AGTPBP1: variants seen among roughly 807,000 people sequenced by gnomAD.
AGTPBP1 encodes the protein ATP/GTP binding carboxypeptidase 1.
A neutral mutation model predicts 143.9 loss-of-function variants in AGTPBP1; 70 were observed. The ratio of observed to expected loss-of-function variants is 0.49; its 90% CI spans 0.40 to 0.59. The LOEUF (loss-of-function observed/expected upper bound fraction) is 0.59. Ranked by LOEUF, AGTPBP1 falls within the 20% of genes least tolerant of loss-of-function variation. AGTPBP1 has a pLI of 0.00. For synonymous variants in AGTPBP1, 463 were observed against 500.2 expected (o/e 0.93, Z 0.99); for missense variants, 1,229 against 1,464.5 (o/e 0.84, Z 2.62).
the AGTPBP1 span, among the ~76,000 whole-genome samples, chr9:85,756,581 A>C: frequency 1.2e-4 from 19 of 152,282 alleles, no homozygotes; most frequent in Non-Finnish European, 2.2e-4. Flanking sequence ...AGACAGATAG[A>C]TAGATCTATC....
intron 17 of AGTPBP1, among the ~76,000 whole-genome samples, chr9:85,599,786 G>A (rs1829546597): frequency 1.3e-5 from 2 of 152,210 alleles, no homozygotes; most frequent in South Asian, 4.1e-4. Flanking sequence ...ACAATTTACA[G>A]ATTCTTCAAA....
At position 85,632,933 on chromosome 9, in the gene AGTPBP1, A is replaced by T; in HGVS notation, c.1744T>A (p.Phe582Ile). The T allele has an allele frequency of 6.2e-7, 1 of 1,614,074 alleles. No homozygotes were observed. Among genetic ancestry groups the T allele is most frequent in the Non-Finnish European group, 8.5e-7 (1 of 1,180,004 alleles). The change falls in exon 14 of 26, where the codon TTT (phenylalanine) becomes ATT (isoleucine). Residue 582 changes from phenylalanine to isoleucine, a missense_variant. By Grantham distance (21) the Phe-to-Ile change is conservative. Around this residue, in one of 2 missense-constraint regions of AGTPBP1, gnomAD observed 743 missense variants for 812.2 expected, o/e 0.91. Coordinates refer to ENST00000357081, the MANE Select transcript of AGTPBP1 (RefSeq NM_001330701.2). ...PHMATCGNVLFEGRTVQLGKL... is the reference protein window; with the variant it reads ...PHMATCGNVLIEGRTVQLGKL... ...CCTAGCTGAACTGTTCTTCCCTCAA[A>T]CAGAACATTTCCACAAGTAGCCATG... is the stretch of plus-strand genomic sequence containing the variant.
chr9:85,697,448 T>A (rs1161086099), intron 2 of AGTPBP1, among the ~76,000 whole-genome samples: 1 of 122,340 alleles, frequency 8.2e-6, no homozygotes, highest in East Asian at 2.3e-4. Flanking sequence ...GTTTTTTGTT[T>A]TTTTTTTTTT....
chr9:85,550,194 T>A (rs2113736), intron 25 of AGTPBP1, among the ~76,000 whole-genome samples: 61,379 of 128,808 alleles, frequency 0.48, 12,964 homozygotes, highest in African/African-American at 0.56. Flanking sequence ...TGTGTGTGTG[T>A]GAGAGAGAGA....
chr9:85,739,682 T>A (rs1588014378), intron 1 of AGTPBP1, among the ~76,000 whole-genome samples: 1 of 135,890 alleles, frequency 7.4e-6, no homozygotes, highest in Non-Finnish European at 1.5e-5. Flanking sequence ...CACTCCAGCC[T>A]GGGCGACAAG....
the AGTPBP1 span, among the ~76,000 whole-genome samples, chr9:85,792,737 G>T: frequency 6.6e-6 from 1 of 152,046 alleles, no homozygotes; most frequent in Non-Finnish European, 1.5e-5. Context: ...AAATATTTTT[G>T]TTACATAGTC....
chr9:85,657,891 T>A (rs1186930075), intron 9 of AGTPBP1, among the ~76,000 whole-genome samples: 1 of 152,168 alleles, frequency 6.6e-6, no homozygotes, highest in African/African-American at 2.4e-5. Context: ...AAAATCTCTT[T>A]ACTAAAATTA....
chr9:85,638,268 CTA>C (rs1010627261), intron 13 of AGTPBP1, among the ~76,000 whole-genome samples: 1 of 151,896 alleles, frequency 6.6e-6, no homozygotes, highest in African/African-American at 2.4e-5. Flanking sequence ...TCTAGAGTAA[CTA>C]GAATTTTTGC....
chr9:85,666,109 G>A (rs1010885509), intron 8 of AGTPBP1, among the ~76,000 whole-genome samples: 1 of 151,986 alleles, frequency 6.6e-6, no homozygotes, highest in South Asian at 2.1e-4. Context: ...TCAAAAAGTA[G>A]TCTGTGGCTT....
chr9:85,696,086 C>T (rs1014255105), intron 2 of AGTPBP1, among the ~76,000 whole-genome samples: 4 of 152,118 alleles, frequency 2.6e-5, no homozygotes, highest in Admixed American at 1.3e-4. Context: ...AAGTGATCTG[C>T]CTGCCTTGGC....
rs569075776 is a variant in AGTPBP1, at chr9:85,669,497, G to A, written c.650C>T (p.Ser217Phe). Residue 217 changes from serine to phenylalanine, a missense_variant, in exon 8 of 26, where the codon TCC becomes TTC. Ser to Phe is a radical substitution (Grantham distance 155). This residue lies in a region of AGTPBP1 where 743 missense variants were observed against 812.2 expected (regional missense o/e 0.91). Transcript: ENST00000357081. ...KIIGPFSKKN[S>F]SLIKVALDTL... ...AACATTTACTCACTTTATAAGACTGGAATTCTTCTTACTAAATGGTCCAAT... is the reference window on the plus strand; with the variant it reads ...AACATTTACTCACTTTATAAGACTGAAATTCTTCTTACTAAATGGTCCAAT... The A allele has an allele frequency of 6.2e-7, 1 of 1,605,742 alleles. No individual in the cohort carries two copies. The highest frequency in any genetic ancestry group is 1.3e-5 in the African/African-American group (1 of 74,626).
At chr9:85,701,646 C>G (rs1230340017) in intron 2 of AGTPBP1, among the ~76,000 whole-genome samples, 1 of 152,144 alleles carries the variant, frequency 6.6e-6, no homozygotes, top group Non-Finnish European at 1.5e-5. Flanking sequence ...ATGTAAAACA[C>G]CGTAACAGAG....
chr9:85,760,112 T>C, the AGTPBP1 span, among the ~76,000 whole-genome samples: 2 of 152,142 alleles, frequency 1.3e-5, no homozygotes, highest in African/African-American at 2.4e-5. Flanking sequence ...GGCTCTGAAA[T>C]TGAGGCAATA....
intron 1 of AGTPBP1, among the ~76,000 whole-genome samples, chr9:85,715,458 T>G (rs1242556087): frequency 6.6e-6 from 1 of 152,062 alleles, no homozygotes; most frequent in Non-Finnish European, 1.5e-5. Flanking sequence ...CAGGGCTAAC[T>G]AAAACTTTGG....
intron 1 of AGTPBP1, among the ~76,000 whole-genome samples, chr9:85,739,725 A>T (rs1217018652): frequency 2.6e-5 from 4 of 151,232 alleles, no homozygotes; most frequent in African/African-American, 9.7e-5. Flanking sequence ...AAAAAAAAAA[A>T]AATTCAGGCC....
chr9:85,712,586 G>T lies in AGTPBP1; in HGVS notation c.-33-20C>A. 7.9e-7 allele frequency: 1 copy of T among 1,271,394 alleles called. No homozygotes were observed. The highest frequency in any genetic ancestry group is 2.6e-5 in the Admixed American group (1 of 38,200). 78.8% of individuals were successfully genotyped at this position (1,271,394 alleles called of 1,614,324 possible). ...GATAATCTAAAAGAAAAATGTTAAT[G>T]ATATTAAAAACTTATAACTCTTTTT... On this transcript the variant is annotated intron_variant, in intron 1 of 25. Coordinates refer to ENST00000357081, the MANE Select transcript of AGTPBP1 (RefSeq NM_001330701.2).
At chr9:85,679,686 G>A (rs911338975) in intron 4 of AGTPBP1, among the ~76,000 whole-genome samples, 1 of 152,156 alleles carries the variant, frequency 6.6e-6, no homozygotes, top group Non-Finnish European at 1.5e-5. Flanking sequence ...GGGATTACAG[G>A]CGTGAGCCAC....
At chr9:85,557,932 T>C (rs1195641076) in intron 25 of AGTPBP1, among the ~76,000 whole-genome samples, 3 of 152,216 alleles carry the variant, frequency 2.0e-5, no homozygotes, top group African/African-American at 4.8e-5. Flanking sequence ...CTACAGACTT[T>C]AGCTGAAAAA....
At chr9:85,654,577 T>G (rs1833375150) in intron 11 of AGTPBP1, among the ~76,000 whole-genome samples, 1 of 152,144 alleles carries the variant, frequency 6.6e-6, no homozygotes, top group Admixed American at 6.5e-5. Context: ...GTGTGGTGGC[T>G]CACACCTGTA....
Sources: gnomAD v4.1 joint callset for allele counts (sites outside exome capture counted in the v4.1 genomes callset) on GRCh38, gnomAD v4.1.1 for gene constraint, gnomAD v4.1.1 regional missense constraint, MANE v1.5 for transcripts, NCBI Gene and HGNC (gene_info 2026-07-23, HGNC 2026-07-21) for gene names.